The following ZSWIM5 variants were observed in gnomAD, a reference collection of about 807,000 sequenced individuals.
ZSWIM5 encodes zinc finger SWIM-type containing 5.
Under a neutral mutation model 119.6 loss-of-function variants are expected in ZSWIM5, and 55 were observed. That is an observed-to-expected ratio of 0.46 (90% CI 0.37 to 0.58). ZSWIM5 has a LOEUF of 0.58. ZSWIM5 is among the 20% of genes least tolerant of loss of function. The pLI is 0.00. For synonymous variants in ZSWIM5, 537 were observed against 606.9 expected (o/e 0.88, Z 1.69); for missense variants, 1,193 against 1,512.8 (o/e 0.79, Z 3.51).
At chr1:45,037,213 C>T (rs1644990571) in intron 8 of ZSWIM5, among the ~76,000 whole-genome samples, 1 of 149,086 alleles carries the variant, frequency 6.7e-6, no homozygotes. Context: ...TGGGTTCAAG[C>T]AATTCATCTG....
intron 3 of ZSWIM5, among the ~76,000 whole-genome samples, chr1:45,059,896 C>A (rs1005176432): frequency 1.3e-5 from 2 of 152,094 alleles, no homozygotes; most frequent in African/African-American, 4.8e-5. Context: ...GCAGAAGGAA[C>A]AGGACTACCA....
intron 1 of ZSWIM5, among the ~76,000 whole-genome samples, chr1:45,165,167 C>G (rs1645893092): frequency 6.6e-6 from 1 of 152,106 alleles, no homozygotes; most frequent in African/African-American, 2.4e-5. Context: ...CAAACTCACT[C>G]AAAACCGCTC....
At chr1:45,123,226 C>A (rs1645603632) in intron 1 of ZSWIM5, among the ~76,000 whole-genome samples, 1 of 151,914 alleles carries the variant, frequency 6.6e-6, no homozygotes, top group Admixed American at 6.6e-5. Flanking sequence ...ACTCGATACA[C>A]CAAGAACAAA....
Position 45,206,298 on chromosome 1 carries a change from G to A in ZSWIM5, c.53C>T (p.Pro18Leu), listed in dbSNP as rs769614114. Reference protein sequence around the residue: ...EELLSPSPVSPAKRQCSWPSP... With the variant: ...EELLSPSPVSLAKRQCSWPSP... ...GGGCCACGAACACTGCCGCTTAGCC[G>A]GAGAGACCGGTGACGGCGAGAGCAG... The change falls in exon 1 of 14, where the codon CCG becomes CTG. Residue 18 changes from proline to leucine, a missense_variant. Coordinates refer to ENST00000359600, the MANE Select transcript of ZSWIM5 (RefSeq NM_020883.2). 6 of 1,557,582 alleles carry A rather than the reference G, an allele frequency of 3.9e-6. No individual in the cohort carries two copies. The highest frequency in any genetic ancestry group is 5.2e-6 in the Non-Finnish European group (6 of 1,152,568).
At chr1:45,181,597 CT>C (rs1180206904) in intron 1 of ZSWIM5, among the ~76,000 whole-genome samples, 2 of 152,074 alleles carry the variant, frequency 1.3e-5, no homozygotes, top group African/African-American at 4.8e-5. Flanking sequence ...AAAGATACTC[CT>C]CGAGAAGAGC....
chr1:45,196,785 G>C (rs552349822), intron 1 of ZSWIM5, among the ~76,000 whole-genome samples: 2 of 152,204 alleles, frequency 1.3e-5, no homozygotes, highest in South Asian at 4.1e-4. Context: ...AATAAGTTTT[G>C]ACAAAAGAAT....
intron 2 of ZSWIM5, among the ~76,000 whole-genome samples, chr1:45,087,567 T>C (rs1451941425): frequency 6.6e-6 from 1 of 152,248 alleles, no homozygotes; most frequent in South Asian, 2.1e-4. Context: ...TTTACTGTTT[T>C]AACACTTCAG....
chr1:45,122,985 C>A (rs1645602404), intron 1 of ZSWIM5, among the ~76,000 whole-genome samples: 1 of 152,162 alleles, frequency 6.6e-6, no homozygotes, highest in Admixed American at 6.5e-5. Flanking sequence ...CACCCTTCCA[C>A]CTCTGGTGTC....
At chr1:45,145,605 T>TA (rs539835146) in intron 1 of ZSWIM5, among the ~76,000 whole-genome samples, 9 of 150,910 alleles carry the variant, frequency 6.0e-5, no homozygotes, top group East Asian at 3.9e-4. Context: ...ATAACATTCT[T>TA]AAAAAAAAAC....
At chr1:45,050,860 T>G (rs1282816075) in intron 5 of ZSWIM5, among the ~76,000 whole-genome samples, 1 of 152,156 alleles carries the variant, frequency 6.6e-6, no homozygotes, top group African/African-American at 2.4e-5. Context: ...AAGGACACTC[T>G]AGATGTGGAA....
intron 1 of ZSWIM5, among the ~76,000 whole-genome samples, chr1:45,193,938 G>GTATATATATATATA (rs112350029): frequency 0.03 from 4,454 of 146,052 alleles, 87 homozygotes; most frequent in East Asian, 0.062. Flanking sequence ...GTGCATATGT[G>GTATATATATATATA]TATATATATA....
chr1:45,176,367 G>A (rs930198322), intron 1 of ZSWIM5, among the ~76,000 whole-genome samples: 6 of 151,924 alleles, frequency 3.9e-5, no homozygotes, highest in East Asian at 1.9e-4. Flanking sequence ...GGGTTCAAGC[G>A]ATTCTCCTGC....
intron 2 of ZSWIM5, among the ~76,000 whole-genome samples, chr1:45,073,821 G>T (rs147668839): frequency 1.3e-5 from 2 of 151,940 alleles, no homozygotes; most frequent in African/African-American, 4.8e-5. Flanking sequence ...AGATCTTAGA[G>T]GAAAGGTTTT....
rs751083933 is a variant in ZSWIM5 at position 45,035,724 on chromosome 1, G to A, written c.2255C>T (p.Pro752Leu). 1 of 1,613,960 alleles carries A rather than the reference G, an allele frequency of 6.2e-7. No homozygotes were observed. Among genetic ancestry groups the A allele is most frequent in the Admixed American group, 1.7e-5 (1 of 60,018 alleles). Residue 752 changes from proline to leucine, a missense_variant, in exon 10 of 14, where the codon CCA (proline) becomes CTA (leucine). By Grantham distance (98) the Pro-to-Leu change is moderately conservative. Coordinates refer to ENST00000359600, the MANE Select transcript of ZSWIM5 (RefSeq NM_020883.2). ...TAAGGCTAATTTATAGGACAGGTCT[G>A]GATCATGAGGCAGCAGAGCTGAGAA... ...YLFSALLPHD[P>L]DLSYKLALRA...
At chr1:45,172,001 G>A (rs907553585) in intron 1 of ZSWIM5, among the ~76,000 whole-genome samples, 6 of 151,846 alleles carry the variant, frequency 4.0e-5, no homozygotes, top group African/African-American at 1.2e-4. Context: ...AGAATCATAA[G>A]TTCATTATAT....
intron 1 of ZSWIM5, among the ~76,000 whole-genome samples, chr1:45,119,441 G>T (rs7521226): frequency 0.021 from 3,139 of 152,210 alleles, 115 homozygotes; most frequent in African/African-American, 0.072. Context: ...TCTTTTCTGA[G>T]CATTAAAATT....
In ZSWIM5 at chr1:45,018,774, G is replaced by A. The variant is rs542122003; in HGVS notation, c.3238C>T (p.Arg1080Cys). ...CATVLSDILR[R>C]CTVTAPGLAG... is the part of the protein sequence containing the mutation. ...AGGCCAGGTGCAGTCACTGTGCAGC[G>A]TCGTAAGATGTCTGAAAGCACTGTG... The change falls in exon 14 of 14, where the codon CGC becomes TGC. Residue 1080 changes from arginine to cysteine, a missense_variant. Physicochemically the swap from Arg to Cys is radical, Grantham distance 180. Coordinates refer to ENST00000359600, the MANE Select transcript of ZSWIM5 (RefSeq NM_020883.2). This position sits in a 1 kb window ranked among gnomAD's most constrained non-coding sequence, Gnocchi z 6.7. 13 of 1,614,078 alleles carry A rather than the reference G, an allele frequency of 8.1e-6. No individual in the cohort carries two copies. The East Asian group carries it at 1.1e-4, about 14-fold the overall frequency.
At chr1:45,168,580 G>A (rs1318050100) in intron 1 of ZSWIM5, among the ~76,000 whole-genome samples, 2 of 147,552 alleles carry the variant, frequency 1.4e-5, no homozygotes, top group African/African-American at 2.5e-5. Context: ...CAGGACAATC[G>A]CTTGAACCCA....
intron 1 of ZSWIM5, among the ~76,000 whole-genome samples, chr1:45,136,539 T>C (rs1175466434): frequency 6.6e-6 from 1 of 152,176 alleles, no homozygotes; most frequent in Non-Finnish European, 1.5e-5. Context: ...CCTGTTTCTC[T>C]TGTCTTTTTT....
Sources: gnomAD v4.1 joint callset for allele counts (sites outside exome capture counted in the v4.1 genomes callset) on GRCh38, gnomAD v4.1.1 for gene constraint, Gnocchi (gnomAD v3.1) non-coding constraint, MANE v1.5 for transcripts, NCBI Gene and HGNC (gene_info 2026-07-23, HGNC 2026-07-21) for gene names.